FAM110B: variants seen among roughly 807,000 people sequenced by gnomAD.
FAM110B encodes family with sequence similarity 110 member B.
FAM110B carries 6 observed loss-of-function variants against 20.4 expected under a neutral mutation model. The observed-to-expected ratio is 0.29, with a 90% CI of 0.16 to 0.58. FAM110B has a LOEUF of 0.58. FAM110B is among the 20% of genes least tolerant of loss of function. The probability of loss-of-function intolerance (pLI) is 0.90; values close to 1 mark genes in which losing one functional copy is unlikely to be tolerated. For missense variants in FAM110B, 434 were observed against 498.2 expected, an observed-to-expected ratio of 0.87 and a Z score of 1.23; for synonymous variants, 226 against 214.1, an observed-to-expected ratio of 1.06 and a Z score of -0.49.
At chr8:58,045,092 T>G (rs575139316) in intron 2 of FAM110B, among the ~76,000 whole-genome samples, 16 of 152,296 alleles carry the variant, frequency 1.1e-4, no homozygotes, top group Admixed American at 9.2e-4. Context: ...AATCTTAAGT[T>G]GGTGTGGTGT....
intron 1 of FAM110B, among the ~76,000 whole-genome samples, chr8:58,022,742 G>A (rs1804780910): frequency 6.6e-6 from 1 of 152,142 alleles, no homozygotes; most frequent in Admixed American, 6.6e-5. Context: ...GCTTTTCTTA[G>A]GGAAGGCCAA....
chr8:58,146,694 A>T lies in FAM110B; in HGVS notation c.464A>T (p.His155Leu), dbSNP rs1803874421. ...CACCGGTCGGAAGCCACTGACCTGCACCGTCACTCCTTCGCGGAGTCCCTG... is the reference window on the plus strand; with the variant it reads ...CACCGGTCGGAAGCCACTGACCTGCTCCGTCACTCCTTCGCGGAGTCCCTG... ...PPHRSEATDL[H>L]RHSFAESLKV... The change falls in exon 4 of 4, where the codon CAC becomes CTC. Residue 155 changes from histidine (H) to leucine (L), a missense_variant. By Grantham distance (99) the His-to-Leu change is moderately conservative. This residue lies in a region of FAM110B where 284 missense variants were observed against 278.3 expected (regional missense o/e 1.02). Coordinates refer to ENST00000519262, the MANE Select transcript of FAM110B (RefSeq NM_001377989.1). 1 of 1,612,618 alleles carries T rather than the reference A, an allele frequency of 6.2e-7. No homozygotes were observed. Among genetic ancestry groups the T allele is most frequent in the Admixed American group, 1.7e-5 (1 of 59,870 alleles).
At chr8:58,021,297 G>T (rs573576599) in intron 1 of FAM110B, among the ~76,000 whole-genome samples, 1 of 151,986 alleles carries the variant, frequency 6.6e-6, no homozygotes, top group Admixed American at 6.5e-5. Context: ...TATTCTATTG[G>T]GTCACCACTG....
intron 2 of FAM110B, chr8:58,032,095 C>T (rs1804974358): frequency 6.6e-6 from 1 of 152,284 alleles, no homozygotes; most frequent in Non-Finnish European, 1.5e-5. Context: ...CGGCACCTGC[C>T]CCACCTTCAC....
chr8:58,001,109 G>A (rs562805769), intron 1 of FAM110B, among the ~76,000 whole-genome samples: 11 of 152,162 alleles, frequency 7.2e-5, no homozygotes, highest in Non-Finnish European at 1.5e-4. Context: ...TTTTTGCGGG[G>A]ATAGACTGCC....
At chr8:58,076,286 A>G (rs1160058240) in intron 3 of FAM110B, among the ~76,000 whole-genome samples, 2 of 152,112 alleles carry the variant, frequency 1.3e-5, no homozygotes, top group Non-Finnish European at 2.9e-5. Context: ...TGCTCGGGGA[A>G]TGAGATGGTG....
At chr8:58,000,552 AT>A (rs1215825413) in intron 1 of FAM110B, among the ~76,000 whole-genome samples, 3 of 152,218 alleles carry the variant, frequency 2.0e-5, no homozygotes, top group African/African-American at 7.2e-5. Context: ...GCCAAGATTT[AT>A]CTTCAATCCT....
At chr8:58,141,816 G>C (rs73682173) in intron 3 of FAM110B, among the ~76,000 whole-genome samples, 306 of 152,274 alleles carry the variant, frequency 2.0e-3, no homozygotes, top group African/African-American at 7.2e-3. Flanking sequence ...AGCCCGTAGC[G>C]GGGGGCTCCT....
At chr8:58,140,397 A>G (rs551615618) in intron 3 of FAM110B, among the ~76,000 whole-genome samples, 2 of 152,210 alleles carry the variant, frequency 1.3e-5, no homozygotes, top group African/African-American at 4.8e-5. Context: ...TGCTATCCCC[A>G]TTTTCCAGAT....
intron 3 of FAM110B, among the ~76,000 whole-genome samples, chr8:58,145,011 AT>A (rs1393962072): frequency 1.3e-5 from 2 of 152,198 alleles, no homozygotes; most frequent in African/African-American, 2.4e-5. Context: ...AAAGTAACAT[AT>A]TTTTAGGTAT....
chr8:58,093,547 C>G (rs1232294968), intron 3 of FAM110B, among the ~76,000 whole-genome samples: 1 of 152,206 alleles, frequency 6.6e-6, no homozygotes, highest in Non-Finnish European at 1.5e-5. Context: ...TGCCAAAAAT[C>G]AGATGGCTGT....
intron 3 of FAM110B, among the ~76,000 whole-genome samples, chr8:58,125,700 AT>A (rs1374152249): frequency 2.0e-5 from 3 of 152,182 alleles, no homozygotes; most frequent in African/African-American, 7.2e-5. Flanking sequence ...TCCATATAAA[AT>A]GTCTTATGAC....
At chr8:58,049,414 T>A (rs542186194) in intron 2 of FAM110B, among the ~76,000 whole-genome samples, 40 of 152,196 alleles carry the variant, frequency 2.6e-4, no homozygotes, top group African/African-American at 7.9e-4. Flanking sequence ...TTTTTTTTTT[T>A]AAATGTAGTT....
At chr8:58,088,526 T>C (rs1217610372) in intron 3 of FAM110B, among the ~76,000 whole-genome samples, 2 of 152,254 alleles carry the variant, frequency 1.3e-5, no homozygotes, top group Non-Finnish European at 2.9e-5. Context: ...CTTCTTTTTA[T>C]GGGATGCTAT....
intron 2 of FAM110B, among the ~76,000 whole-genome samples, chr8:58,069,440 G>A (rs867805450): frequency 6.6e-6 from 1 of 152,164 alleles, no homozygotes; most frequent in East Asian, 1.9e-4. Flanking sequence ...CTGTAACCCC[G>A]GCAGTCTGGC....
intron 3 of FAM110B, among the ~76,000 whole-genome samples, chr8:58,133,205 G>T (rs201115920): frequency 1.1e-3 from 159 of 140,060 alleles, no homozygotes; most frequent in African/African-American, 2.8e-3. Flanking sequence ...GCTCGATTTT[G>T]TTTTTTTTTT....
At chr8:58,002,080 C>T (rs1009456785) in intron 1 of FAM110B, among the ~76,000 whole-genome samples, 1 of 152,110 alleles carries the variant, frequency 6.6e-6, no homozygotes, top group African/African-American at 2.4e-5. Context: ...TCTTTCTTCA[C>T]CTTTTTGTTC....
In FAM110B at chr8:57,995,568, G is replaced by A. The variant is rs181130487; in HGVS notation, c.-512+762G>A. Among the ~76,000 whole-genome samples the A allele has an allele frequency of 2.1e-3, 325 of 152,280 alleles. 1 individual carries two copies. The highest frequency in any genetic ancestry group is 2.8e-3 in the Non-Finnish European group (190 of 68,016). Reference sequence around the variant, plus strand: ...CGCGATGCCTGCTGCCCAGCCTGGTGCCCTCCTATTGTTTAGAGCTGGAGC... The same window carrying A: ...CGCGATGCCTGCTGCCCAGCCTGGTACCCTCCTATTGTTTAGAGCTGGAGC... On this transcript the variant is annotated intron_variant, in intron 1 of 3. Transcript: ENST00000519262.
chr8:57,998,974 C>T (rs1804239916), intron 1 of FAM110B, among the ~76,000 whole-genome samples: 1 of 152,130 alleles, frequency 6.6e-6, no homozygotes, highest in African/African-American at 2.4e-5. Context: ...TTACGTTTTT[C>T]ACATTTTACA....
Sources: gnomAD v4.1 joint callset for allele counts (sites outside exome capture counted in the v4.1 genomes callset) on GRCh38, gnomAD v4.1.1 for gene constraint, gnomAD v4.1.1 regional missense constraint, MANE v1.5 for transcripts, NCBI Gene and HGNC (gene_info 2026-07-23, HGNC 2026-07-21) for gene names.